WWP1: variants seen among roughly 807,000 people sequenced by gnomAD.
WWP1 encodes the protein WW domain containing E3 ubiquitin protein ligase 1.
Under a neutral mutation model 130.6 loss-of-function variants are expected in WWP1, and 49 were observed. The observed-to-expected ratio is 0.38, with a 90% CI of 0.30 to 0.48. The LOEUF (loss-of-function observed/expected upper bound fraction) is 0.48, where lower values mean the gene tolerates loss of function less well. Among genes scored for constraint, WWP1 ranks in the 20% least tolerant of loss-of-function variants. The pLI is 0.99. For missense variants in WWP1, 809 were observed against 1,100.6 expected (o/e 0.74, Z 3.75); for synonymous variants, 332 against 367.8 (o/e 0.90, Z 1.11).
chr8:86,452,373 T>A (rs1026213783), intron 20 of WWP1, among the ~76,000 whole-genome samples, 186 bp from the exon 21 acceptor site: 1 of 152,204 alleles, frequency 6.6e-6, no homozygotes, highest in Admixed American at 6.5e-5. Flanking sequence ...GTGTTAGAAC[T>A]GATTTCCTCA....
At chr8:86,396,740 C>T (rs771141330) in intron 5 of WWP1, among the ~76,000 whole-genome samples, 12 of 151,704 alleles carry the variant, frequency 7.9e-5, no homozygotes, top group South Asian at 2.1e-4. Context: ...AATACAGGCA[C>T]ATGCCACTGC....
chr8:86,374,222 C>A, intron 3 of WWP1, 102 bp downstream of exon 3: 2 of 886,020 alleles, frequency 2.3e-6, no homozygotes, highest in Non-Finnish European at 3.4e-6. Flanking sequence ...CTTTTAGATT[C>A]ATACTATGGC....
At chr8:86,396,239 C>T (rs1024885125) in intron 5 of WWP1, among the ~76,000 whole-genome samples, 4 of 152,100 alleles carry the variant, frequency 2.6e-5, no homozygotes, top group African/African-American at 9.7e-5. Flanking sequence ...GCTGGGACTA[C>T]AGGCAACTGC....
intron 14 of WWP1, among the ~76,000 whole-genome samples, chr8:86,433,937 A>G (rs1424969754): frequency 6.6e-6 from 1 of 152,072 alleles, no homozygotes; most frequent in Non-Finnish European, 1.5e-5. Flanking sequence ...AAAAAAATGT[A>G]GAATCATCCA....
At chr8:86,429,769 C>T (rs1023122362) in intron 11 of WWP1, among the ~76,000 whole-genome samples, 4 of 152,318 alleles carry the variant, frequency 2.6e-5, no homozygotes, top group Admixed American at 6.5e-5. Flanking sequence ...TCTCCCATTT[C>T]ATCTTCCCTC....
intron 9 of WWP1, among the ~76,000 whole-genome samples, chr8:86,416,372 C>G (rs1808886132): frequency 2.0e-5 from 3 of 152,106 alleles, no homozygotes; most frequent in African/African-American, 7.2e-5. Context: ...ACAGGTTGAT[C>G]TGCTGATGCA....
intron 1 of WWP1, among the ~76,000 whole-genome samples, chr8:86,364,825 AAGAAAGAAAG>A (rs1187769465): frequency 4.6e-4 from 63 of 136,718 alleles, no homozygotes; most frequent in South Asian, 7.0e-4. Flanking sequence ...GAAAGAAAGA[AAGAAAGAAAG>A]AGAGAGAGAG....
intron 9 of WWP1, among the ~76,000 whole-genome samples, chr8:86,421,571 T>C: frequency 6.6e-6 from 1 of 152,168 alleles, no homozygotes; most frequent in East Asian, 1.9e-4. Context: ...ACGCCTGTAA[T>C]CTCAGCACTT....
At chr8:86,427,601 T>C (rs931679488) in intron 10 of WWP1, 42 bp from the exon 11 acceptor site, 5 of 1,499,794 alleles carry the variant, frequency 3.3e-6, no homozygotes, top group Non-Finnish European at 4.5e-6. Context: ...TTCATTTTCT[T>C]ATATTGAGAG....
chr8:86,434,290 C>A (rs1419864350), intron 14 of WWP1, among the ~76,000 whole-genome samples: 1 of 152,198 alleles, frequency 6.6e-6, no homozygotes, highest in Non-Finnish European at 1.5e-5. Context: ...CAGGATCTGA[C>A]CCCTCTTATC....
rs1452757676 is a variant in WWP1 at position 86,435,648 on chromosome 8, A to G, written c.1693A>G (p.Ser565Gly). 3 of 1,613,142 alleles carry G rather than the reference A, an allele frequency of 1.9e-6. No individual in the cohort carries two copies. The highest frequency in any genetic ancestry group is 1.8e-4 in the Middle Eastern group (1 of 5,504). The change falls in exon 16 of 25, where the codon AGT becomes GGT. Residue 565 changes from serine to glycine, a missense_variant. By Grantham distance (56) the Ser-to-Gly change is moderately conservative (BLOSUM62 0). Coordinates refer to ENST00000517970, the MANE Select transcript of WWP1 (RefSeq NM_007013.4). ...TTGTTTTTAGTCTAATGCACTACCT[A>G]GTCATGTAAAGATCAATGTGTCCCG... ...RYLCQSNALP[S>G]HVKINVSRQT...
At chr8:86,431,862 C>T in intron 14 of WWP1, 119 bp downstream of exon 14, 1 of 1,289,246 alleles carries the variant, frequency 7.8e-7, no homozygotes, top group South Asian at 1.4e-5. Context: ...AAAACCTACA[C>T]AAGTGAAACC....
At chr8:86,382,369 C>T (rs990829162) in intron 5 of WWP1, among the ~76,000 whole-genome samples, 1 of 152,094 alleles carries the variant, frequency 6.6e-6, no homozygotes, top group African/African-American at 2.4e-5. Flanking sequence ...TAGCTTTTAT[C>T]AGATTCTCAA....
At chr8:86,456,234 G>A (rs1222630904) in intron 21 of WWP1, among the ~76,000 whole-genome samples, 1 of 151,832 alleles carries the variant, frequency 6.6e-6, no homozygotes, top group East Asian at 1.9e-4. Context: ...AACACAAAAA[G>A]CAATAACCAT....
In WWP1 at chr8:86,430,458, A is replaced by T. The variant is rs75185854; in HGVS notation, c.1333-239A>T. Among the ~76,000 whole-genome samples the T allele has an allele frequency of 0.15, 22,263 of 150,942 alleles. 1,782 individuals carry two copies. The highest frequency in any genetic ancestry group is 0.19 in the Non-Finnish European group (12,612 of 67,732). On this transcript the variant is annotated intron_variant, in intron 11 of 24. Coordinates refer to ENST00000517970, the MANE Select transcript of WWP1 (RefSeq NM_007013.4). Reference sequence around the variant, plus strand: ...AACACATCTGGCTAATTAAAAAAAAATTTTTTTTTATAGAGACAGGATCTT... The same window carrying T: ...AACACATCTGGCTAATTAAAAAAAATTTTTTTTTTATAGAGACAGGATCTT...
chr8:86,370,855 CTTTTTTTTTTTTTT>C (rs555585296), intron 2 of WWP1, among the ~76,000 whole-genome samples: 1 of 44,862 alleles, frequency 2.2e-5, no homozygotes, highest in African/African-American at 1.0e-4. Flanking sequence ...TATATTCATT[CTTTTTTTTTTTTTT>C]TTTTTTTTTT....
intron 21 of WWP1, among the ~76,000 whole-genome samples, chr8:86,454,715 G>A (rs1019878732): frequency 6.6e-6 from 1 of 151,926 alleles, no homozygotes; most frequent in Non-Finnish European, 1.5e-5. Context: ...AAACTAAAAC[G>A]GGAGATCAAG....
At chr8:86,355,029 T>C (rs930055966) in intron 1 of WWP1, among the ~76,000 whole-genome samples, 2 of 152,188 alleles carry the variant, frequency 1.3e-5, no homozygotes, top group African/African-American at 4.8e-5. Context: ...AGGTTAAATA[T>C]GCACAAATAG....
rs1194824428 is a variant in WWP1 at position 86,468,199 on chromosome 8, G to C, written c.*1306G>C. On this transcript the variant is annotated 3_prime_UTR_variant, in exon 25 of 25. Transcript: ENST00000517970. ...ACTTAAACATTTTTTAATAGCCATGGAACTGACTTCTTAAAATCTGTTGCC... is the reference window on the plus strand; with the variant it reads ...ACTTAAACATTTTTTAATAGCCATGCAACTGACTTCTTAAAATCTGTTGCC... The C allele has an allele frequency of 3.8e-6, 1 of 266,230 alleles. No individual in the cohort carries two copies. Among genetic ancestry groups the C allele is most frequent in the African/African-American group, 2.3e-5 (1 of 43,756 alleles). The allele number at this position is 266,230 out of a possible 1,614,324, so 16.5% of individuals were successfully genotyped here. A position where few individuals can be genotyped will look rare whatever the true frequency, so the allele number is the denominator to read the frequency against.
Sources: allele counts gnomAD v4.1 joint callset (sites outside exome capture counted in the v4.1 genomes callset), GRCh38; gene constraint gnomAD v4.1.1; transcripts MANE v1.5; gene names NCBI Gene and HGNC (gene_info 2026-07-23, HGNC 2026-07-21).